Variants in PC observed in about 807,000 individuals in gnomAD.
PC encodes pyruvate carboxylase, mitochondrial.
In PC, 46 loss-of-function variants were observed where a neutral mutation model predicts 107.8. The observed-to-expected ratio is 0.43, with a 90% CI of 0.34 to 0.55. The LOEUF is 0.55. Ranked by LOEUF, PC falls within the 20% of genes least tolerant of loss-of-function variation. The pLI is 0.04. For synonymous variants in PC, 662 were observed against 684.7 expected, an observed-to-expected ratio of 0.97 and a Z score of 0.52; for missense variants, 1,241 against 1,643.1, an observed-to-expected ratio of 0.76 and a Z score of 4.23.
rs1225352450 is a variant in PC, at chr11:66,869,269, G to A, written c.904-305C>T. Among the ~76,000 whole-genome samples the A allele has an allele frequency of 2.0e-5, 3 of 152,014 alleles. No homozygotes were observed. In the East Asian group the frequency reaches 5.8e-4, roughly 30 times the overall value. ...CATCCCAGGCTCGGCACCTTGCCCT[G>A]CTGCCTCCTGGGCTTGCCCGCCAAG... On this transcript the variant is annotated intron_variant, in intron 9 of 22. Coordinates refer to ENST00000393960, the MANE Select transcript of PC (RefSeq NM_001040716.2).
At position 66,859,844 on chromosome 11, in the gene PC, C is replaced by T. The variant is rs551578876; in HGVS notation, c.1368+3930G>A. The T allele has an allele frequency of 7.2e-5, 113 of 1,568,074 alleles. 1 individual carries two copies. The Middle Eastern group carries it at 8.8e-4, about 12-fold the overall frequency. ...CCCACGTGCTGGGCGGGACCCTGACCGTGGCCGTGGGGGGTGTGCTGGTGG... is the reference window on the plus strand; with the variant it reads ...CCCACGTGCTGGGCGGGACCCTGACTGTGGCCGTGGGGGGTGTGCTGGTGG... On this transcript the variant is annotated intron_variant, in intron 12 of 22. Coordinates refer to ENST00000393960, the MANE Select transcript of PC (RefSeq NM_001040716.2).
chr11:66,884,904 A>G (rs1239644333), intron 3 of PC, among the ~76,000 whole-genome samples: 1 of 152,210 alleles, frequency 6.6e-6, no homozygotes, highest in East Asian at 1.9e-4. Context: ...GGAAGATGCC[A>G]GGACCCAGCA....
rs145489836 is a variant in PC, at chr11:66,850,096, G to A, written c.2739C>T (p.Ile913=). 17 of 1,613,580 alleles carry A rather than the reference G, an allele frequency of 1.1e-5. No homozygotes were observed. Among genetic ancestry groups the A allele is most frequent in the African/African-American group, 1.3e-5 (1 of 74,946 alleles). The change falls in exon 20 of 23, where the codon ATC becomes ATT. Residue 913 remains isoleucine (I), a synonymous_variant. Coordinates refer to ENST00000393960, the MANE Select transcript of PC (RefSeq NM_001040716.2). ...DLIKVTPSSK[I]VGDLAQFMVQ... ...CCATAAACTGGGCCAGGTCCCCCAC[G>A]ATCTTGGAGGAGGGCGTCACCTGAG...
chr11:66,883,275 G>T (rs992782631), intron 3 of PC, among the ~76,000 whole-genome samples: 1 of 152,226 alleles, frequency 6.6e-6, no homozygotes, highest in Non-Finnish European at 1.5e-5. Context: ...AGGGCCTGCA[G>T]TGAGGTGGCT....
chr11:66,906,130 T>A (rs373818674), intron 3 of PC, among the ~76,000 whole-genome samples: 1 of 152,064 alleles, frequency 6.6e-6, no homozygotes, highest in East Asian at 1.9e-4. Flanking sequence ...AATGACCCAG[T>A]GAGAAGCTGA....
At chr11:66,953,254 C>A (rs1814625660) in intron 2 of PC, among the ~76,000 whole-genome samples, 1 of 152,244 alleles carries the variant, frequency 6.6e-6, no homozygotes, top group African/African-American at 2.4e-5. Flanking sequence ...TGCATCTCCG[C>A]AGAGCTGTCT....
At chr11:66,888,876 C>G (rs1947465490) in intron 3 of PC, among the ~76,000 whole-genome samples, 1 of 152,064 alleles carries the variant, frequency 6.6e-6, no homozygotes, top group African/African-American at 2.4e-5. Flanking sequence ...GAGTTCGAGA[C>G]CACCCTGACC....
chr11:66,883,275 G>C (rs992782631), intron 3 of PC, among the ~76,000 whole-genome samples: 20 of 152,344 alleles, frequency 1.3e-4, no homozygotes, highest in African/African-American at 4.1e-4. Context: ...AGGGCCTGCA[G>C]TGAGGTGGCT....
intron 10 of PC, among the ~76,000 whole-genome samples, chr11:66,868,611 CAG>C (rs1444151913): frequency 3.3e-5 from 5 of 152,330 alleles, no homozygotes; most frequent in Non-Finnish European, 5.9e-5. Flanking sequence ...AGCGTCCTGA[CAG>C]AGAGGAGGGC....
intron 3 of PC, among the ~76,000 whole-genome samples, chr11:66,922,553 TAAA>T (rs1198835228): frequency 2.4e-5 from 2 of 84,372 alleles, no homozygotes; most frequent in Admixed American, 1.6e-4. Context: ...GACTTTGTCT[TAAA>T]AAAAAAAAAA....
intron 11 of PC, among the ~76,000 whole-genome samples, chr11:66,865,091 C>T (rs933426141): frequency 6.6e-6 from 1 of 152,170 alleles, no homozygotes; most frequent in South Asian, 2.1e-4. Context: ...AGTCAGGGGC[C>T]GCCGGGCAGC....
chr11:66,890,805 C>T (rs556128400), intron 3 of PC, among the ~76,000 whole-genome samples: 2 of 151,678 alleles, frequency 1.3e-5, no homozygotes, highest in East Asian at 2.0e-4. Flanking sequence ...TCCCCCGCCG[C>T]GGTTGTTTCC....
Position 66,871,583 on chromosome 11 carries a change from A to T in PC, c.322-103T>A. The T allele has an allele frequency of 6.3e-7, 1 of 1,581,702 alleles. No homozygotes were observed. Among genetic ancestry groups the T allele is most frequent in the Non-Finnish European group, 8.7e-7 (1 of 1,154,738 alleles). ...CCTGCTGAGCTGCATCCGTTTACCC[A>T]CCCACGCACAGAGGCGCTGAGCACG... is the stretch of plus-strand genomic sequence containing the variant. On this transcript the variant is annotated intron_variant, in intron 5 of 22. Transcript: ENST00000393960. This position sits in a 1 kb window ranked among gnomAD's most constrained non-coding sequence, Gnocchi z 7.4.
intron 17 of PC, 47 bp downstream of exon 17, chr11:66,850,993 G>C (rs955195190): frequency 1.2e-6 from 2 of 1,609,700 alleles, no homozygotes; most frequent in Non-Finnish European, 8.5e-7. Flanking sequence ...GGGTGGCGGG[G>C]ACATGGCCGG....
chr11:66,916,032 CTG>C (rs1317671445), intron 3 of PC, among the ~76,000 whole-genome samples: 2 of 152,212 alleles, frequency 1.3e-5, no homozygotes, highest in Non-Finnish European at 2.9e-5. Context: ...AACACACCAA[CTG>C]TGTTTCTTTC....
intron 3 of PC, among the ~76,000 whole-genome samples, chr11:66,895,525 T>A (rs1439954098): frequency 6.6e-6 from 1 of 152,008 alleles, no homozygotes; most frequent in Non-Finnish European, 1.5e-5. Context: ...CTCACAGAAA[T>A]AAGAAACGAT....
chr11:66,848,996 G>A lies in PC; in HGVS notation c.3440C>T (p.Thr1147Ile). The part of the protein sequence containing the change: ...LCVLSAMKME[T>I]VVTSPMEGTV... The stretch of plus-strand genomic sequence containing the variant: ...ACCCTCCATGGGTGAGGTCACCACA[G>A]TCTCCATCTTCATGGCACTGAGCAC... The change falls in exon 23 of 23, where the codon ACT (threonine) becomes ATT (isoleucine). Residue 1147 changes from threonine (T) to isoleucine (I), a missense_variant. Around this residue, in one of 2 missense-constraint regions of PC, gnomAD observed 98 missense variants for 91.2 expected, o/e 1.07. Transcript: ENST00000393960. The A allele has an allele frequency of 1.2e-6, 2 of 1,614,082 alleles. No homozygotes were observed. Among genetic ancestry groups the A allele is most frequent in the Non-Finnish European group, 1.7e-6 (2 of 1,180,034 alleles).
intron 13 of PC, 179 bp downstream of exon 13, chr11:66,853,060 A>G: frequency 1.4e-6 from 1 of 733,072 alleles, no homozygotes; most frequent in Non-Finnish European, 2.2e-6. Flanking sequence ...ATCAGAAGCA[A>G]GGAGAGCAGT....
chr11:66,922,241 A>C (rs1265394052), intron 3 of PC, among the ~76,000 whole-genome samples: 2 of 152,180 alleles, frequency 1.3e-5, no homozygotes, highest in Admixed American at 1.3e-4. Context: ...CCATTCTAAG[A>C]TTAAAACAGT....
Sources: allele counts gnomAD v4.1 joint callset (sites outside exome capture counted in the v4.1 genomes callset), GRCh38; gene constraint gnomAD v4.1.1; regional missense constraint gnomAD v4.1.1; non-coding constraint Gnocchi (gnomAD v3.1); transcripts MANE v1.5; gene names NCBI Gene and HGNC (gene_info 2026-07-23, HGNC 2026-07-21).